Variants in TAF6 observed in about 807,000 individuals in gnomAD.
The protein encoded by TAF6 is TATA-box binding protein associated factor 6.
A neutral mutation model predicts 73.5 loss-of-function variants in TAF6; 50 were observed. The ratio of observed to expected loss-of-function variants is 0.68; its 90% CI spans 0.54 to 0.86. TAF6 has a LOEUF of 0.86. Among genes scored for constraint, TAF6 ranks in the 40% least tolerant of loss-of-function variants. The probability of loss-of-function intolerance (pLI) is 0.00; values close to 1 mark genes in which losing one functional copy is unlikely to be tolerated. For synonymous variants in TAF6, 424 were observed against 376.7 expected (o/e 1.13, Z -1.45); for missense variants, 768 against 899.5 (o/e 0.85, Z 1.87).
Position 100,114,204 on chromosome 7 carries a change from A to G in TAF6, c.6T>C (p.Ala2=). The part of the protein sequence containing the change: M[A]EEKKLKLSNT... ...TGCTAAGCTTCAGCTTCTTCTCCTC[A>G]GCCATTCTGGAGTCCCTCTTCTCCT... The change falls in exon 2 of 15, where the codon GCT becomes GCC. Residue 2 remains alanine, a synonymous_variant. Transcript: ENST00000453269. The G allele has an allele frequency of 6.2e-7, 1 of 1,614,178 alleles. No homozygotes were observed. Among genetic ancestry groups the G allele is most frequent in the Non-Finnish European group, 8.5e-7 (1 of 1,180,034 alleles).
At chr7:100,124,973 G>T in the TAF6 span, 1 of 1,470,686 alleles carries the variant, frequency 6.8e-7, no homozygotes, top group Non-Finnish European at 9.1e-7. Context: ...AGCTTTCAGG[G>T]TGTGTTTATG....
intron 1 of TAF6, chr7:100,115,307 T>G (rs1797584441): frequency 6.6e-6 from 1 of 152,278 alleles, no homozygotes; most frequent in Non-Finnish European, 1.5e-5. Context: ...TCAGCTTTCC[T>G]TATCTTCATA....
At chr7:100,126,991 G>C in the TAF6 span, 1 of 172,322 alleles carries the variant, frequency 5.8e-6, no homozygotes, top group Non-Finnish European at 1.2e-5. Context: ...GGGAACCGCA[G>C]AGGACAAACT....
intron 1 of TAF6, 110 bp downstream of exon 1, chr7:100,119,094 A>G: frequency 1.0e-6 from 1 of 986,364 alleles, no homozygotes; most frequent in Admixed American, 6.1e-5. Flanking sequence ...CAGGTCGAAG[A>G]TCCCCGGGCA....
intron 6 of TAF6, 66 bp from the exon 7 acceptor site, chr7:100,112,319 C>T: frequency 1.3e-6 from 2 of 1,555,442 alleles, no homozygotes; most frequent in Admixed American, 2.0e-5. Flanking sequence ...ACAGAAGAAC[C>T]TTAACCCTCC....
At chr7:100,118,834 CT>C (rs1333095571) in intron 1 of TAF6, 2 of 985,116 alleles carry the variant, frequency 2.0e-6, no homozygotes, top group African/African-American at 3.5e-5. Context: ...TCCTCCCCGA[CT>C]TTTATAAGTC....
chr7:100,111,013 T>A, intron 10 of TAF6, 126 bp downstream of exon 10: 40 of 919,422 alleles, frequency 4.4e-5, no homozygotes, highest in African/African-American at 6.9e-5. Context: ...CAGACAAGCC[T>A]CAAGACCCTT....
chr7:100,126,052 G>A, the TAF6 span, among the ~76,000 whole-genome samples: 1 of 152,112 alleles, frequency 6.6e-6, no homozygotes, highest in Non-Finnish European at 1.5e-5. Flanking sequence ...CGGGTGTGGT[G>A]GCAGGCGCCT....
chr7:100,119,653 G>A (rs774151808), upstream of TAF6: 30 of 1,610,364 alleles, frequency 1.9e-5, no homozygotes, highest in Non-Finnish European at 2.5e-5. Flanking sequence ...CTGGATTTAA[G>A]GTTGCCGCTA....
At chr7:100,118,488 T>C (rs971123091) in intron 1 of TAF6, 1 of 151,868 alleles carries the variant, frequency 6.6e-6, no homozygotes, top group Non-Finnish European at 1.5e-5. Context: ...GAGACCCCCA[T>C]TTCTGCAAAA....
At chr7:100,127,110 C>T in the TAF6 span, 3 of 484,066 alleles carry the variant, frequency 6.2e-6, no homozygotes, top group Non-Finnish European at 1.1e-5. This position sits in a 1 kb window ranked among gnomAD's most constrained non-coding sequence, Gnocchi z 4.6. Flanking sequence ...AAAGGATAGC[C>T]TTTGGAGGGT....
Position 100,107,596 on chromosome 7 carries a change from C to T in TAF6, c.1684G>A (p.Gly562Ser), listed in dbSNP as rs761760665. The T allele has an allele frequency of 3.1e-6, 5 of 1,613,214 alleles. No individual in the cohort carries two copies. The highest frequency in any genetic ancestry group is 1.7e-5 in the Admixed American group (1 of 59,898). ...GGCGAAGTGGTGGTGGAACCTGAGCCGGGGGCCGAGGTGCTGAGGGACAGG... is the reference window on the plus strand; with the variant it reads ...GGCGAAGTGGTGGTGGAACCTGAGCTGGGGGCCGAGGTGCTGAGGGACAGG... ...QVLSLSTSAP[G>S]SGSTTTSPVT... is the part of the protein sequence containing the mutation. Residue 562 changes from glycine (G) to serine (S), a missense_variant, in exon 15 of 15, where the codon GGC becomes AGC. Physicochemically the swap from Gly to Ser is moderately conservative, Grantham distance 56. Coordinates refer to ENST00000453269, the MANE Select transcript of TAF6 (RefSeq NM_139315.3).
At chr7:100,110,122 TCCCA>T (rs1797030646) in intron 11 of TAF6, 49 bp from the exon 12 acceptor site, 4 of 1,613,816 alleles carry the variant, frequency 2.5e-6, no homozygotes, top group Admixed American at 1.7e-5. Flanking sequence ...CACCAGGGTC[TCCCA>T]GATGGGGGTA....
intron 6 of TAF6, 137 bp downstream of exon 6, chr7:100,112,661 G>A (rs1418674574): frequency 7.8e-7 from 1 of 1,278,654 alleles, no homozygotes; most frequent in South Asian, 1.6e-5. Context: ...GTTGCAGTGA[G>A]CTGAGATCGT....
At chr7:100,125,770 G>A in the TAF6 span, among the ~76,000 whole-genome samples, 7 of 152,300 alleles carry the variant, frequency 4.6e-5, no homozygotes, top group Admixed American at 6.5e-5. Flanking sequence ...GAGGCTGGGC[G>A]CAGTGACTCA....
At chr7:100,115,044 A>G (rs1050086749) in intron 1 of TAF6, among the ~76,000 whole-genome samples, 2 of 152,132 alleles carry the variant, frequency 1.3e-5, no homozygotes, top group Admixed American at 6.5e-5. Context: ...GGGCAGGGGC[A>G]GAGACAGAGT....
rs767586771 is a variant in TAF6, at chr7:100,114,241, T to C, written c.-32A>G. ...GTCCCTCTTCTCCTCCCTGGAAGGA[T>C]GAAGCCCCCGGTGGAGAGACGGAGA... On this transcript the variant is annotated 5_prime_UTR_variant, in exon 2 of 15. Coordinates refer to ENST00000453269, the MANE Select transcript of TAF6 (RefSeq NM_139315.3). 9.3e-6 allele frequency: 15 copies of C among 1,613,490 alleles called. No individual in the cohort carries two copies. Among genetic ancestry groups the C allele is most frequent in the Non-Finnish European group, 8.5e-6 (10 of 1,180,026 alleles).
rs1342423532 is a variant in TAF6 at position 100,114,178 on chromosome 7, T to C, written c.32A>G (p.Asn11Ser). Residue 11 changes from asparagine to serine, a missense_variant, in exon 2 of 15, where the codon AAC becomes AGC. Physicochemically the swap from Asn to Ser is conservative, Grantham distance 46. Transcript: ENST00000453269. Reference protein sequence around the residue: MAEEKKLKLSNTVLPSESMKV... With the variant: MAEEKKLKLSSTVLPSESMKV... Reference sequence around the variant, plus strand: ...CATGGACTCCGAGGGCAGCACAGTGTTGCTAAGCTTCAGCTTCTTCTCCTC... The same window carrying C: ...CATGGACTCCGAGGGCAGCACAGTGCTGCTAAGCTTCAGCTTCTTCTCCTC... The C allele has an allele frequency of 1.2e-6, 2 of 1,614,118 alleles. No homozygotes were observed. Among genetic ancestry groups the C allele is most frequent in the Non-Finnish European group, 1.7e-6 (2 of 1,180,056 alleles).
chr7:100,123,395 G>A (rs546304578), upstream of TAF6, among the ~76,000 whole-genome samples: 1 of 152,170 alleles, frequency 6.6e-6, no homozygotes, highest in African/African-American at 2.4e-5. Context: ...TGAGCCGGGT[G>A]GAGTGGCTCA....
Sources: gnomAD v4.1 joint callset for allele counts (sites outside exome capture counted in the v4.1 genomes callset) on GRCh38, gnomAD v4.1.1 for gene constraint, Gnocchi (gnomAD v3.1) non-coding constraint, MANE v1.5 for transcripts, NCBI Gene and HGNC (gene_info 2026-07-23, HGNC 2026-07-21) for gene names.